MPP7: variants seen among roughly 807,000 people sequenced by gnomAD.
MPP7 encodes the protein MAGUK p55 scaffold protein 7, also known as MAGUK p55 subfamily member 7.
MPP7 carries 60 observed loss-of-function variants against 76.5 expected under a neutral mutation model. The observed-to-expected ratio is 0.78, with a 90% CI of 0.64 to 0.97. The LOEUF (loss-of-function observed/expected upper bound fraction) is 0.97, where lower values mean the gene tolerates loss of function less well. Ranked by LOEUF, MPP7 falls within the 50% of genes least tolerant of loss-of-function variation. The probability of loss-of-function intolerance (pLI) is 0.00; values close to 1 mark genes in which losing one functional copy is unlikely to be tolerated. For synonymous variants in MPP7, 237 were observed against 244.5 expected (o/e 0.97, Z 0.29); for missense variants, 641 against 694.0 (o/e 0.92, Z 0.86).
intron 12 of MPP7, among the ~76,000 whole-genome samples, chr10:28,076,583 T>C (rs556618458): frequency 1.3e-5 from 2 of 151,812 alleles, no homozygotes; most frequent in South Asian, 2.1e-4. Flanking sequence ...CAAAACACTA[T>C]TATAAAATCC....
At chr10:28,225,013 T>C (rs1838642879) in intron 2 of MPP7, among the ~76,000 whole-genome samples, 1 of 152,188 alleles carries the variant, frequency 6.6e-6, no homozygotes, top group South Asian at 2.1e-4. Flanking sequence ...AGAATAGTGA[T>C]TTATTCTGCA....
At chr10:28,108,620 G>A (rs985696374) in intron 11 of MPP7, among the ~76,000 whole-genome samples, 11 of 151,878 alleles carry the variant, frequency 7.2e-5, no homozygotes, top group African/African-American at 2.2e-4. Context: ...TCATGCCACT[G>A]CACTCCATAC....
intron 4 of MPP7, 31 bp from the exon 5 acceptor site, chr10:28,147,594 C>T (rs1162160601): frequency 1.3e-6 from 2 of 1,596,658 alleles, no homozygotes; most frequent in South Asian, 1.1e-5. Context: ...ACTTAAAGAA[C>T]ATTTAGTAAG....
At chr10:28,062,760 C>T (rs775190619) in intron 13 of MPP7, among the ~76,000 whole-genome samples, 19 of 152,170 alleles carry the variant, frequency 1.2e-4, no homozygotes, top group East Asian at 1.9e-4. Context: ...ATAAAGTCAA[C>T]GTTATATTAA....
At chr10:28,262,249 A>ACATG (rs1840005833) in intron 1 of MPP7, among the ~76,000 whole-genome samples, 1 of 62,820 alleles carries the variant, frequency 1.6e-5, no homozygotes, top group African/African-American at 9.2e-5. Flanking sequence ...ATATACATAT[A>ACATG]TATATATATG....
At chr10:28,194,505 T>C (rs1239460173) in intron 3 of MPP7, among the ~76,000 whole-genome samples, 1 of 152,206 alleles carries the variant, frequency 6.6e-6, no homozygotes, top group Non-Finnish European at 1.5e-5. Flanking sequence ...AAACAAACTA[T>C]GGTGCTTATC....
intron 2 of MPP7, among the ~76,000 whole-genome samples, chr10:28,322,715 G>A (rs539874961): frequency 2.6e-5 from 4 of 152,164 alleles, no homozygotes; most frequent in Non-Finnish European, 5.9e-5. Flanking sequence ...CAAGAACCAA[G>A]CTGAAGAAGA....
At chr10:28,231,524 G>A (rs1451502961) in intron 2 of MPP7, among the ~76,000 whole-genome samples, 1 of 150,962 alleles carries the variant, frequency 6.6e-6, no homozygotes, top group Non-Finnish European at 1.5e-5. Context: ...GGAAGAGAGT[G>A]CGAAAATTAC....
At position 28,052,200 on chromosome 10, in the gene MPP7, A is replaced by G. The variant is rs1447076387; in HGVS notation, c.*1865T>C. The G allele has an allele frequency of 1.3e-5, 2 of 152,214 alleles. No individual in the cohort carries two copies. The highest frequency in any genetic ancestry group is 1.9e-4 in the East Asian group (1 of 5,192). 9.4% of individuals were successfully genotyped at this position (152,214 alleles called of 1,614,324 possible). On this transcript the variant is annotated 3_prime_UTR_variant, in exon 17 of 17. Transcript: ENST00000683449. ...CTCAGGTGATTGCCTGAATTATTACATATGTCCCATCATTCTTTGTACAAG... is the reference window on the plus strand; with the variant it reads ...CTCAGGTGATTGCCTGAATTATTACGTATGTCCCATCATTCTTTGTACAAG...
chr10:28,303,341 T>A (rs1395505793), upstream of MPP7: 1 of 152,264 alleles, frequency 6.6e-6, no homozygotes, highest in African/African-American at 2.4e-5. Context: ...CACTCCCAGG[T>A]GGCTGCAGAC....
intron 2 of MPP7, among the ~76,000 whole-genome samples, chr10:28,316,593 G>C (rs950217866): frequency 6.6e-6 from 1 of 151,986 alleles, no homozygotes; most frequent in East Asian, 1.9e-4. Flanking sequence ...ACTAGGAGCA[G>C]AGCACATGGG....
intron 1 of MPP7, among the ~76,000 whole-genome samples, chr10:28,301,236 T>C (rs1186513790): frequency 6.6e-6 from 1 of 152,192 alleles, no homozygotes; most frequent in Non-Finnish European, 1.5e-5. Context: ...TTACACTTCA[T>C]TAGTATTTTC....
At chr10:28,145,676 C>T (rs1164025083) in intron 5 of MPP7, among the ~76,000 whole-genome samples, 1 of 152,082 alleles carries the variant, frequency 6.6e-6, no homozygotes, top group African/African-American at 2.4e-5. Flanking sequence ...CTGACATTGC[C>T]AAACAAAACA....
intron 3 of MPP7, among the ~76,000 whole-genome samples, chr10:28,174,724 C>T (rs919594991): frequency 6.6e-6 from 1 of 152,150 alleles, no homozygotes; most frequent in Non-Finnish European, 1.5e-5. Flanking sequence ...CATTTCCATT[C>T]CTTAGTATAT....
chr10:28,320,746 T>G (rs1171454491), intron 2 of MPP7, among the ~76,000 whole-genome samples: 2 of 152,132 alleles, frequency 1.3e-5, no homozygotes, highest in Non-Finnish European at 2.9e-5. Flanking sequence ...TTTCACTAAT[T>G]TAGAATAATT....
chr10:28,127,251 A>G (rs1183848675), intron 6 of MPP7, among the ~76,000 whole-genome samples: 1 of 152,186 alleles, frequency 6.6e-6, no homozygotes, highest in East Asian at 1.9e-4. Flanking sequence ...TTTATTGAGA[A>G]CTTACTCTGT....
intron 1 of MPP7, among the ~76,000 whole-genome samples, chr10:28,260,637 T>C (rs2132930088): frequency 6.6e-6 from 1 of 151,824 alleles, no homozygotes; most frequent in East Asian, 1.9e-4. Flanking sequence ...CCAGACATGG[T>C]GGCACATGCC....
intron 1 of MPP7, among the ~76,000 whole-genome samples, chr10:28,269,300 C>A (rs1840245871): frequency 6.6e-6 from 1 of 152,146 alleles, no homozygotes; most frequent in Admixed American, 6.5e-5. Context: ...ATAGTGATGA[C>A]AACAGTGAAT....
chr10:28,194,766 C>T (rs901235486), intron 3 of MPP7, among the ~76,000 whole-genome samples: 1 of 152,112 alleles, frequency 6.6e-6, no homozygotes, highest in Non-Finnish European at 1.5e-5. Flanking sequence ...TAAAACTATT[C>T]TTCATGACAA....
Sources: gnomAD v4.1 joint callset for allele counts (sites outside exome capture counted in the v4.1 genomes callset) on GRCh38, gnomAD v4.1.1 for gene constraint, MANE v1.5 for transcripts, NCBI Gene and HGNC (gene_info 2026-07-23, HGNC 2026-07-21) for gene names.